The following EYS variants were observed in gnomAD, a reference collection of about 807,000 sequenced individuals.
The protein encoded by EYS is EGF-like photoreceptor maintenance factor.
Under a neutral mutation model 282.1 loss-of-function variants are expected in EYS, and 250 were observed. The ratio of observed to expected loss-of-function variants is 0.89; its 90% CI spans 0.80 to 0.98. EYS has a LOEUF of 0.98. EYS is among the 50% of genes least tolerant of loss of function. EYS has a pLI of 0.00. For missense variants in EYS, 4,016 were observed against 3,709.0 expected, an observed-to-expected ratio of 1.08 and a Z score of -2.15; for synonymous variants, 1,355 against 1,282.9, an observed-to-expected ratio of 1.06 and a Z score of -1.20.
At chr6:64,785,426 TA>T (rs1773985679) in intron 22 of EYS, among the ~76,000 whole-genome samples, 1 of 152,196 alleles carries the variant, frequency 6.6e-6, no homozygotes, top group African/African-American at 2.4e-5. Flanking sequence ...GTGAACAAAT[TA>T]CCTAAGGTCA....
intron 23 of EYS, among the ~76,000 whole-genome samples, chr6:64,625,222 A>C (rs1767567192): frequency 6.6e-6 from 1 of 152,168 alleles, no homozygotes; most frequent in African/African-American, 2.4e-5. Flanking sequence ...AAAAGAAGGA[A>C]AAAAATGCAT....
At chr6:64,650,503 A>C (rs1009378394) in intron 22 of EYS, among the ~76,000 whole-genome samples, 2 of 152,100 alleles carry the variant, frequency 1.3e-5, no homozygotes, top group Non-Finnish European at 2.9e-5. Flanking sequence ...TGTGGATTAA[A>C]TGAAAGATTC....
At chr6:64,964,562 T>G (rs1458840026) in intron 14 of EYS, among the ~76,000 whole-genome samples, 1 of 152,152 alleles carries the variant, frequency 6.6e-6, no homozygotes, top group African/African-American at 2.4e-5. Flanking sequence ...TTAAGGTGAA[T>G]ATTTGGGAAA....
chr6:64,038,088 T>C (rs1770206391), intron 33 of EYS, among the ~76,000 whole-genome samples: 1 of 152,280 alleles, frequency 6.6e-6, no homozygotes, highest in East Asian at 1.9e-4. Flanking sequence ...TGCAATTTCT[T>C]TTATAAAAAT....
At position 65,495,507 on chromosome 6, in the gene EYS, G is replaced by A; in HGVS notation, c.-97C>T. On this transcript the variant is annotated 5_prime_UTR_variant, in exon 4 of 43. Coordinates refer to ENST00000503581, the MANE Select transcript of EYS (RefSeq NM_001142800.2). The stretch of plus-strand genomic sequence containing the variant: ...ATTTCCAAGTAAAGTTGTGGTTAAG[G>A]ATTCCTGGGAATTGGAATTGACCTT... 1 of 1,339,310 alleles carries A rather than the reference G, an allele frequency of 7.5e-7. No individual in the cohort carries two copies. Among genetic ancestry groups the A allele is most frequent in the Non-Finnish European group, 1.0e-6 (1 of 960,912 alleles). The allele number at this position is 1,339,310 out of a possible 1,614,324, so 83.0% of individuals were successfully genotyped here. A position where few individuals can be genotyped will look rare whatever the true frequency, so the allele number is the denominator to read the frequency against.
intron 28 of EYS, among the ~76,000 whole-genome samples, chr6:64,415,192 T>A (rs1416726679): frequency 6.6e-6 from 1 of 152,170 alleles, no homozygotes; most frequent in Non-Finnish European, 1.5e-5. Context: ...ACCTTTAGCA[T>A]CTGGTGGCAA....
intron 21 of EYS, among the ~76,000 whole-genome samples, chr6:64,816,875 CA>C (rs1229323124): frequency 6.6e-6 from 1 of 150,680 alleles, no homozygotes; most frequent in South Asian, 2.1e-4. Context: ...CTTAAATATC[CA>C]AAAAAGGATA....
chr6:65,111,595 C>T (rs1775212423), intron 12 of EYS, among the ~76,000 whole-genome samples: 1 of 152,128 alleles, frequency 6.6e-6, no homozygotes, highest in South Asian at 2.1e-4. Flanking sequence ...GGCCTGTAAT[C>T]CCTCCCTATT....
At chr6:64,606,144 G>C (rs971114630) in intron 24 of EYS, among the ~76,000 whole-genome samples, 1 of 151,822 alleles carries the variant, frequency 6.6e-6, no homozygotes, top group Non-Finnish European at 1.5e-5. Context: ...ATCTTAAATA[G>C]TTGTTAGAAT....
chr6:65,133,679 A>G (rs1215651010), intron 12 of EYS, among the ~76,000 whole-genome samples: 7 of 152,040 alleles, frequency 4.6e-5, no homozygotes, highest in African/African-American at 7.2e-5. Context: ...GGAAGACAAC[A>G]TAGGCAATAA....
intron 22 of EYS, among the ~76,000 whole-genome samples, chr6:64,671,058 C>T (rs889954848): frequency 2.6e-5 from 4 of 152,158 alleles, no homozygotes; most frequent in African/African-American, 9.7e-5. Context: ...GCATTCATTC[C>T]CTCAAGGCTA....
intron 5 of EYS, among the ~76,000 whole-genome samples, chr6:65,433,934 A>C (rs1328762452): frequency 2.0e-5 from 3 of 152,226 alleles, no homozygotes; most frequent in Non-Finnish European, 4.4e-5. Context: ...TCTTCAAATC[A>C]CTTCTGTGGC....
chr6:65,264,242 A>C (rs1767694480), intron 12 of EYS, among the ~76,000 whole-genome samples: 1 of 152,158 alleles, frequency 6.6e-6, no homozygotes, highest in East Asian at 1.9e-4. Flanking sequence ...CAAAAATTCT[A>C]ACATTCAAAT....
chr6:65,546,527 A>G (rs1768394578), intron 2 of EYS, among the ~76,000 whole-genome samples: 1 of 152,094 alleles, frequency 6.6e-6, no homozygotes, highest in Non-Finnish European at 1.5e-5. Context: ...ATTCTCCACT[A>G]GACAACATTC....
chr6:65,198,261 C>T (rs939797708), intron 12 of EYS, among the ~76,000 whole-genome samples: 1 of 152,086 alleles, frequency 6.6e-6, no homozygotes, highest in Non-Finnish European at 1.5e-5. Context: ...ATGGAGTTAT[C>T]ATCTCCTTGA....
intron 12 of EYS, among the ~76,000 whole-genome samples, chr6:65,264,457 A>G (rs865851636): frequency 6.6e-5 from 10 of 152,118 alleles, no homozygotes; most frequent in African/African-American, 2.4e-4. Flanking sequence ...CACTTAAAAC[A>G]CCAAAAGTTT....
At chr6:63,905,317 T>A (rs1278579057) in intron 35 of EYS, among the ~76,000 whole-genome samples, 1 of 142,090 alleles carries the variant, frequency 7.0e-6, no homozygotes, top group East Asian at 2.0e-4. Context: ...ATAAGGGGAT[T>A]TCTTTTTTTT....
chr6:64,127,256 C>A (rs1027542760), intron 31 of EYS, among the ~76,000 whole-genome samples: 1 of 152,144 alleles, frequency 6.6e-6, no homozygotes, highest in African/African-American at 2.4e-5. Context: ...AAAAGAATCT[C>A]ACTAATTTAC....
chr6:63,905,770 C>G (rs1329396651), intron 35 of EYS, among the ~76,000 whole-genome samples: 2 of 152,180 alleles, frequency 1.3e-5, no homozygotes, highest in African/African-American at 4.8e-5. Flanking sequence ...TACACTGATT[C>G]CAACCAAACG....
Sources: gnomAD v4.1 joint callset for allele counts (sites outside exome capture counted in the v4.1 genomes callset) on GRCh38, gnomAD v4.1.1 for gene constraint, MANE v1.5 for transcripts, NCBI Gene and HGNC (gene_info 2026-07-23, HGNC 2026-07-21) for gene names.